Variants in CACNG3 observed in about 807,000 individuals in gnomAD.
The protein encoded by CACNG3 is voltage-dependent calcium channel gamma-3 subunit.
Under a neutral mutation model 28.5 loss-of-function variants are expected in CACNG3, and 3 were observed. That is an observed-to-expected ratio of 0.11 (90% CI 0.05 to 0.27). CACNG3 has a LOEUF of 0.27. CACNG3 is among the 10% of genes least tolerant of loss of function. The pLI is 1.00. For missense variants in CACNG3, 236 were observed against 414.4 expected, an observed-to-expected ratio of 0.57 and a Z score of 3.74; for synonymous variants, 174 against 162.2, an observed-to-expected ratio of 1.07 and a Z score of -0.55.
chr16:24,265,084 A>G (rs1262282815), intron 1 of CACNG3, among the ~76,000 whole-genome samples: 1 of 152,108 alleles, frequency 6.6e-6, no homozygotes, highest in Non-Finnish European at 1.5e-5. Flanking sequence ...TACAAAAAAT[A>G]CAAAAAAGTT....
intron 1 of CACNG3, among the ~76,000 whole-genome samples, chr16:24,335,376 C>T (rs946670213): frequency 6.6e-6 from 1 of 152,114 alleles, no homozygotes; most frequent in East Asian, 1.9e-4. Context: ...GCCAAGATCG[C>T]GCCACTGCAC....
At chr16:24,359,501 G>A (rs1203643423) in intron 3 of CACNG3, among the ~76,000 whole-genome samples, 1 of 152,118 alleles carries the variant, frequency 6.6e-6, no homozygotes, top group African/African-American at 2.4e-5. Context: ...AGGCAGGAGA[G>A]AAGCAGCAAA....
rs2141368307 is a variant in CACNG3 at position 24,317,652 on chromosome 16, G to GAAAGAAAGGA, written c.212-29074_212-29073insGAAAAGAAAG. On this transcript the variant is annotated intron_variant, in intron 1 of 3. Coordinates refer to ENST00000005284, the MANE Select transcript of CACNG3 (RefSeq NM_006539.4). Reference sequence around the variant, plus strand: ...ACAGACAGAAAGAAAGAAAAGAAAAGAAAGAAAGAAAGAAAGAAAGAAAGA... The same window carrying GAAAGAAAGGA: ...ACAGACAGAAAGAAAGAAAAGAAAAGAAAGAAAGGAAAAGAAAGAAAGAAAGAAAGAAAGA... 3.6e-4 allele frequency among the ~76,000 whole-genome samples: 15 copies of GAAAGAAAGGA among 41,958 alleles called. 1 individual carries two copies. The highest frequency in any genetic ancestry group is 1.4e-3 in the African/African-American group (12 of 8,562). The allele number at this position is 41,958 out of a possible 152,430, so 27.5% of individuals were successfully genotyped here.
At chr16:24,316,767 A>T (rs776368085) in intron 1 of CACNG3, among the ~76,000 whole-genome samples, 7 of 152,300 alleles carry the variant, frequency 4.6e-5, no homozygotes, top group Non-Finnish European at 1.0e-4. Context: ...GGCCCAGTTA[A>T]TCTGGCTTCC....
chr16:24,309,315 A>T (rs1014300557), intron 1 of CACNG3, among the ~76,000 whole-genome samples: 2 of 152,176 alleles, frequency 1.3e-5, no homozygotes, highest in African/African-American at 4.8e-5. Flanking sequence ...AGTCTCAGAG[A>T]GGTTAAGTAA....
chr16:24,310,838 A>T (rs1159357227), intron 1 of CACNG3, among the ~76,000 whole-genome samples: 1 of 152,092 alleles, frequency 6.6e-6, no homozygotes. Flanking sequence ...TATTCTCCCC[A>T]CAGAGGAATG....
At chr16:24,340,486 T>A (rs1003237401) in intron 1 of CACNG3, among the ~76,000 whole-genome samples, 1 of 152,206 alleles carries the variant, frequency 6.6e-6, no homozygotes, top group African/African-American at 2.4e-5. Context: ...TCATTATTCG[T>A]TATATACGTG....
At chr16:24,359,895 T>G (rs1326937006) in intron 3 of CACNG3, among the ~76,000 whole-genome samples, 1 of 151,994 alleles carries the variant, frequency 6.6e-6, no homozygotes, top group Non-Finnish European at 1.5e-5. Context: ...AAACAACAAC[T>G]AATAATCCTA....
intron 1 of CACNG3, among the ~76,000 whole-genome samples, chr16:24,288,046 T>G (rs1898916988): frequency 6.6e-6 from 1 of 152,188 alleles, no homozygotes; most frequent in African/African-American, 2.4e-5. Flanking sequence ...CCTACTTCTG[T>G]GTTAGGCAGT....
chr16:24,326,523 G>A (rs1031155649), intron 1 of CACNG3, among the ~76,000 whole-genome samples: 1 of 152,184 alleles, frequency 6.6e-6, no homozygotes, highest in African/African-American at 2.4e-5. Context: ...TATCTTCACT[G>A]GACAAACTTG....
At chr16:24,284,907 G>C (rs548947838) in intron 1 of CACNG3, among the ~76,000 whole-genome samples, 1 of 152,016 alleles carries the variant, frequency 6.6e-6, no homozygotes, top group South Asian at 2.1e-4. Flanking sequence ...AATCATTGAA[G>C]GGGAAAGGTT....
At position 24,328,757 on chromosome 16, in the gene CACNG3, C is replaced by T. The variant is rs191793826; in HGVS notation, c.212-17977C>T. On this transcript the variant is annotated intron_variant, in intron 1 of 3. Transcript: ENST00000005284. ...AAGAGCATCAGCTGCAAAGGCCTGG[C>T]AGCCATAAGACATGTACTCACCAGT... Among the ~76,000 whole-genome samples, 397 of 152,290 alleles carry T rather than the reference C, an allele frequency of 2.6e-3. 2 individuals are homozygous for T. Among genetic ancestry groups the T allele is most frequent in the Admixed American group, 6.0e-3 (92 of 15,300 alleles).
intron 2 of CACNG3, among the ~76,000 whole-genome samples, chr16:24,351,934 G>C (rs1899953713): frequency 1.4e-5 from 2 of 144,850 alleles, no homozygotes; most frequent in Admixed American, 7.1e-5. Flanking sequence ...TCCTGCCTCA[G>C]CCTCCTGAGT....
At chr16:24,322,985 GGAGGTT>G (rs901764357) in intron 1 of CACNG3, among the ~76,000 whole-genome samples, 1 of 152,046 alleles carries the variant, frequency 6.6e-6, no homozygotes, top group African/African-American at 2.4e-5. Flanking sequence ...TAGCACTTTG[GGAGGTT>G]GAGGTGGGAG....
In CACNG3 at chr16:24,318,703, T is replaced by G. The variant is rs77608593; in HGVS notation, c.212-28031T>G. The stretch of plus-strand genomic sequence containing the variant: ...ACCTCCTGTTGCAGGTGGGGTCACA[T>G]GTTACCAAGTAGTTTTGGGCATATT... On this transcript the variant is annotated intron_variant, in intron 1 of 3. Coordinates refer to ENST00000005284, the MANE Select transcript of CACNG3 (RefSeq NM_006539.4). Among the ~76,000 whole-genome samples the G allele has an allele frequency of 3.7e-3, 564 of 152,238 alleles. 5 individuals carry two copies. The highest frequency in any genetic ancestry group is 5.9e-3 in the Non-Finnish European group (401 of 68,006).
In CACNG3 at chr16:24,256,564, C is replaced by G. The variant is rs762662582; in HGVS notation, c.-191C>G. 2.9e-5 allele frequency: 17 copies of G among 593,156 alleles called. No individual in the cohort carries two copies. Among genetic ancestry groups the G allele is most frequent in the Non-Finnish European group, 4.8e-5 (16 of 332,674 alleles). 36.7% of individuals were successfully genotyped at this position (593,156 alleles called of 1,614,324 possible). A position where few individuals can be genotyped will look rare whatever the true frequency, so the allele number is the denominator to read the frequency against. On this transcript the variant is annotated 5_prime_UTR_variant, in exon 1 of 4. Transcript: ENST00000005284. The surrounding 1 kb of genome is among the most constrained non-coding windows in gnomAD (Gnocchi z 4.6). ...CCTGCACCCTTCCGAGGGCCATAGG[C>G]GACCCAGGGAACTGGAGAGAGCTCC...
chr16:24,281,308 G>T (rs757122101), intron 1 of CACNG3, among the ~76,000 whole-genome samples: 1 of 151,968 alleles, frequency 6.6e-6, no homozygotes, highest in Non-Finnish European at 1.5e-5. Flanking sequence ...TGATCCTCCT[G>T]CCTCAGCCTC....
chr16:24,258,896 T>A (rs940500967), intron 1 of CACNG3, among the ~76,000 whole-genome samples: 3 of 152,154 alleles, frequency 2.0e-5, no homozygotes, highest in African/African-American at 4.8e-5. Flanking sequence ...ATGAAAAAAA[T>A]ATATATCTAT....
chr16:24,311,883 G>A (rs1899269513), intron 1 of CACNG3, among the ~76,000 whole-genome samples: 2 of 152,170 alleles, frequency 1.3e-5, no homozygotes. Flanking sequence ...TTAAATGGTG[G>A]TAAGTAAAGG....
Sources: allele counts gnomAD v4.1 joint callset (sites outside exome capture counted in the v4.1 genomes callset), GRCh38; gene constraint gnomAD v4.1.1; non-coding constraint Gnocchi (gnomAD v3.1); transcripts MANE v1.5; gene names NCBI Gene and HGNC (gene_info 2026-07-23, HGNC 2026-07-21).